The following MREG variants were observed in gnomAD, a reference collection of about 807,000 sequenced individuals.
MREG encodes the protein melanoregulin, also known as dilute suppressor protein homolog.
In MREG, 31 loss-of-function variants were observed where a neutral mutation model predicts 28.5. The ratio of observed to expected loss-of-function variants is 1.09; its 90% CI spans 0.82 to 1.47. The LOEUF is 1.47. MREG is among the 40% of genes most tolerant of loss of function. The pLI is 0.00. For missense variants in MREG, 256 were observed against 257.4 expected, an observed-to-expected ratio of 0.99 and a Z score of 0.04; for synonymous variants, 106 against 95.2, an observed-to-expected ratio of 1.11 and a Z score of -0.66.
intron 2 of MREG, among the ~76,000 whole-genome samples, chr2:215,985,318 A>T (rs889165197): frequency 6.6e-6 from 1 of 152,348 alleles, no homozygotes; most frequent in Admixed American, 6.5e-5. Flanking sequence ...GAACATAAGG[A>T]TAATGATTTA....
chr2:216,004,468 C>T (rs1694098820), intron 1 of MREG, among the ~76,000 whole-genome samples: 1 of 151,470 alleles, frequency 6.6e-6, no homozygotes, highest in Admixed American at 6.6e-5. Context: ...CACTTGAACC[C>T]GGGAGGCGGA....
chr2:216,015,353 A>G (rs2105928151), upstream of MREG, among the ~76,000 whole-genome samples: 2 of 152,126 alleles, frequency 1.3e-5, 1 homozygote, highest in East Asian at 3.9e-4. Context: ...GGCGGAGTGA[A>G]TATGGGCAAA....
intron 2 of MREG, among the ~76,000 whole-genome samples, chr2:215,976,989 A>G (rs528583399): frequency 1.3e-5 from 2 of 152,362 alleles, no homozygotes; most frequent in African/African-American, 2.4e-5. Flanking sequence ...CAAAATAACC[A>G]GCTAACATCA....
chr2:215,973,497 C>A (rs1014758772), intron 2 of MREG, among the ~76,000 whole-genome samples: 1 of 152,156 alleles, frequency 6.6e-6, no homozygotes, highest in African/African-American at 2.4e-5. Flanking sequence ...TGTTGCATGC[C>A]CACTCCCAGC....
At chr2:216,022,512 C>T (rs1055620583) in intron 1 of MREG, among the ~76,000 whole-genome samples, 1 of 152,120 alleles carries the variant, frequency 6.6e-6, no homozygotes. Flanking sequence ...TAACAATATT[C>T]CCACTTTAAT....
In MREG at chr2:215,942,965, G is replaced by A. The variant is rs1165622679; in HGVS notation, c.*1898C>T. The A allele has an allele frequency of 1.3e-5, 2 of 152,722 alleles. No homozygotes were observed. Among genetic ancestry groups the A allele is most frequent in the Admixed American group, 1.3e-4 (2 of 15,284 alleles). 9.5% of individuals were successfully genotyped at this position (152,722 alleles called of 1,614,324 possible). ...AACTTTTAGCTTGCTTATTAAACTA[G>A]GAAGAATTTTCCTGAAACACAGCAG... On this transcript the variant is annotated 3_prime_UTR_variant, in exon 5 of 5. Coordinates refer to ENST00000263268, the MANE Select transcript of MREG (RefSeq NM_018000.3).
At chr2:215,963,727 T>A (rs1257611687) in intron 2 of MREG, among the ~76,000 whole-genome samples, 3 of 152,138 alleles carry the variant, frequency 2.0e-5, no homozygotes, top group Non-Finnish European at 4.4e-5. Context: ...GAAAACACTC[T>A]TGTGTAGATC....
intron 2 of MREG, among the ~76,000 whole-genome samples, chr2:215,992,132 A>G (rs1258260289): frequency 6.6e-6 from 1 of 152,204 alleles, no homozygotes; most frequent in East Asian, 1.9e-4. Flanking sequence ...ATGAACATCA[A>G]TGTGAAAATC....
chr2:215,954,367 G>T (rs945240316), intron 2 of MREG, among the ~76,000 whole-genome samples: 1 of 150,552 alleles, frequency 6.6e-6, no homozygotes, highest in Non-Finnish European at 1.5e-5. Flanking sequence ...TGTCTTTCTT[G>T]GATGGTGAAA....
In MREG at chr2:216,002,816, TTTTC is replaced by T. The variant is rs1189105000; in HGVS notation, c.96-6355_96-6352del. 7.6e-5 allele frequency among the ~76,000 whole-genome samples: 11 copies of T among 144,418 alleles called. No individual in the cohort carries two copies. In the East Asian group the frequency reaches 1.2e-3, roughly 16 times the overall value. 94.7% of individuals were successfully genotyped at this position (144,418 alleles called of 152,430 possible). On this transcript the variant is annotated intron_variant, in intron 1 of 4. Transcript: ENST00000263268. The stretch of plus-strand genomic sequence containing the variant: ...CAGTCCCTCCTTTCTCCCTCTCCTC[TTTTC>T]TTTCTTTTTTCTTTCTTCCCCCTCT...
rs1345983324 is a variant in MREG, at chr2:215,945,691, G to A, written c.390C>T (p.Leu130=). ...EADSLLSVTK[L]STISDSKNTR... The stretch of plus-strand genomic sequence containing the variant: ...TGTTTTTAGAATCACTGATGGTGCT[G>A]AGTTTAGTCACTGACAACAAAGAGT... Residue 130 remains leucine, a synonymous_variant, in exon 4 of 5, where the codon CTC becomes CTT. Coordinates refer to ENST00000263268, the MANE Select transcript of MREG (RefSeq NM_018000.3). 5.0e-6 allele frequency: 8 copies of A among 1,613,772 alleles called. No homozygotes were observed. The highest frequency in any genetic ancestry group is 6.8e-6 in the Non-Finnish European group (8 of 1,179,848).
chr2:216,026,353 GTTTATTTA>G (rs530129897), intron 1 of MREG, among the ~76,000 whole-genome samples: 1 of 148,384 alleles, frequency 6.7e-6, no homozygotes. Flanking sequence ...CTTCCATTGT[GTTTATTTA>G]TTTATTTATT....
chr2:215,997,686 G>A (rs561220640), intron 1 of MREG, among the ~76,000 whole-genome samples: 1 of 152,312 alleles, frequency 6.6e-6, no homozygotes, highest in East Asian at 1.9e-4. Flanking sequence ...GAGAACATAT[G>A]CAAGCTGCTA....
chr2:215,990,711 C>G (rs1330033023), intron 2 of MREG, among the ~76,000 whole-genome samples: 2 of 151,918 alleles, frequency 1.3e-5, no homozygotes, highest in Non-Finnish European at 2.9e-5. Flanking sequence ...ATTTACCAAG[C>G]AAATGGAAAG....
intron 2 of MREG, among the ~76,000 whole-genome samples, chr2:215,972,300 C>T (rs184554035): frequency 6.6e-6 from 1 of 152,222 alleles, no homozygotes; most frequent in East Asian, 1.9e-4. Flanking sequence ...AACCTCTCCT[C>T]TCCATAAAAA....
intron 2 of MREG, among the ~76,000 whole-genome samples, chr2:215,957,633 G>A (rs765469211): frequency 1.1e-4 from 17 of 152,106 alleles, no homozygotes; most frequent in Admixed American, 7.9e-4. Context: ...GAGACTCCCT[G>A]ATACTTTTCT....
chr2:216,004,663 T>C (rs946037000), intron 1 of MREG, among the ~76,000 whole-genome samples: 3 of 152,186 alleles, frequency 2.0e-5, no homozygotes, highest in African/African-American at 7.2e-5. Context: ...CTCTAAACTG[T>C]AGAGATGAGT....
chr2:215,953,037 A>T (rs1025592342), intron 2 of MREG, among the ~76,000 whole-genome samples: 1 of 152,212 alleles, frequency 6.6e-6, no homozygotes. Context: ...GAAGCAGATT[A>T]TCAATAGCAC....
At position 215,943,458 on chromosome 2, in the gene MREG, C is replaced by T. The variant is rs773883592; in HGVS notation, c.*1405G>A. ...ATGAGAGGTCCCCCCACAGGTGCAG[C>T]TGCCAGCCAACGAATCAGAAACAGA... On this transcript the variant is annotated 3_prime_UTR_variant, in exon 5 of 5. Coordinates refer to ENST00000263268, the MANE Select transcript of MREG (RefSeq NM_018000.3). The T allele has an allele frequency of 5.7e-5, 26 of 456,620 alleles. No homozygotes were observed. The highest frequency in any genetic ancestry group is 5.6e-4 in the East Asian group (8 of 14,412). The allele number at this position is 456,620 out of a possible 1,614,324, so 28.3% of individuals were successfully genotyped here.
Sources: gnomAD v4.1 joint callset for allele counts (sites outside exome capture counted in the v4.1 genomes callset) on GRCh38, gnomAD v4.1.1 for gene constraint, MANE v1.5 for transcripts, NCBI Gene and HGNC (gene_info 2026-07-23, HGNC 2026-07-21) for gene names.